CERKL: variants seen among roughly 807,000 people sequenced by gnomAD.
The protein encoded by CERKL is CERK like autophagy regulator, also known as ceramide kinase-like protein.
In CERKL, 61 loss-of-function variants were observed where a neutral mutation model predicts 63.4. The ratio of observed to expected loss-of-function variants is 0.96; its 90% CI spans 0.78 to 1.19. The LOEUF is 1.19. Among genes scored for constraint, CERKL ranks in the 50% most tolerant of loss-of-function variants. CERKL has a pLI of 0.00. For synonymous variants in CERKL, 250 were observed against 230.5 expected (o/e 1.08, Z -0.77); for missense variants, 675 against 655.5 (o/e 1.03, Z -0.33).
At chr2:181,607,353 T>C (rs1377088357) in intron 1 of CERKL, among the ~76,000 whole-genome samples, 1 of 152,156 alleles carries the variant, frequency 6.6e-6, no homozygotes, top group Non-Finnish European at 1.5e-5. Flanking sequence ...ACATTACAAT[T>C]AACTAAAATT....
Position 181,548,799 on chromosome 2 carries a change from A to G in CERKL, c.954T>C (p.Phe318=). ...CAAAGCCAAACATGGCTGAGAACCC[A>G]AAGCGAAGAAGCTTGCCAGCGGTGC... The part of the protein sequence containing the change: ...TFSTAGKLLR[F]GFSAMFGFGG... Residue 318 remains phenylalanine (F), a synonymous_variant, in exon 7 of 13, where the codon TTT becomes TTC. Coordinates refer to ENST00000410087, the MANE Select transcript of CERKL (RefSeq NM_201548.5). 1.9e-6 allele frequency: 3 copies of G among 1,614,090 alleles called. No individual in the cohort carries two copies. In the South Asian group the frequency reaches 3.3e-5, roughly 18 times the overall value.
At chr2:181,640,441 T>C (rs1302839843) in intron 1 of CERKL, among the ~76,000 whole-genome samples, 1 of 152,172 alleles carries the variant, frequency 6.6e-6, no homozygotes. Flanking sequence ...AGTCTGTGTT[T>C]AGGATTTTAA....
intron 2 of CERKL, among the ~76,000 whole-genome samples, chr2:181,596,479 G>C (rs1357597336): frequency 1.7e-4 from 26 of 152,166 alleles, no homozygotes; most frequent in Admixed American, 1.7e-3. Context: ...TTATGAGCTA[G>C]GGCTGTTGAT....
intron 1 of CERKL, among the ~76,000 whole-genome samples, chr2:181,614,888 CA>C (rs1414492561): frequency 2.5e-4 from 38 of 152,044 alleles, no homozygotes; most frequent in African/African-American, 8.5e-4. Flanking sequence ...TATTTGATAT[CA>C]GTAGATAAAA....
At chr2:181,615,424 T>C (rs1157251661) in intron 1 of CERKL, among the ~76,000 whole-genome samples, 1 of 152,244 alleles carries the variant, frequency 6.6e-6, no homozygotes, top group Non-Finnish European at 1.5e-5. Context: ...TCTTGGCACA[T>C]CTGTCTGATG....
chr2:181,619,200 A>G (rs1686342448), intron 1 of CERKL, among the ~76,000 whole-genome samples: 2 of 151,986 alleles, frequency 1.3e-5, no homozygotes, highest in Non-Finnish European at 2.9e-5. Context: ...TTCCTTTTAT[A>G]TGTCCACTTC....
chr2:181,619,716 C>A (rs1686366305), intron 1 of CERKL, among the ~76,000 whole-genome samples: 1 of 152,110 alleles, frequency 6.6e-6, no homozygotes, highest in South Asian at 2.1e-4. Context: ...ACTGTCGAAG[C>A]ACATTGAGCC....
At position 181,550,916 on chromosome 2, in the gene CERKL, C is replaced by T. The variant is rs1687955808; in HGVS notation, c.821-1208G>A. ...TGGCAAACTGGTTCCAACTGATTCA[C>T]CAAAAGGCAAGTTATGCTGTGACCC... is the stretch of plus-strand genomic sequence containing the variant. On this transcript the variant is annotated intron_variant, in intron 5 of 12. Transcript: ENST00000410087. This position sits in a 1 kb window ranked among gnomAD's most constrained non-coding sequence, Gnocchi z 4.5. Among the ~76,000 whole-genome samples, 2 of 152,070 alleles carry T rather than the reference C, an allele frequency of 1.3e-5. No individual in the cohort carries two copies. Among genetic ancestry groups the T allele is most frequent in the Admixed American group, 6.6e-5 (1 of 15,258 alleles).
At chr2:181,632,557 C>T (rs1203591440) in intron 1 of CERKL, among the ~76,000 whole-genome samples, 1 of 152,144 alleles carries the variant, frequency 6.6e-6, no homozygotes, top group Non-Finnish European at 1.5e-5. Context: ...ATACCAAGCA[C>T]CATACAAAGT....
chr2:181,559,760 G>C (rs1688359785), intron 4 of CERKL, among the ~76,000 whole-genome samples: 1 of 152,136 alleles, frequency 6.6e-6, no homozygotes, highest in Non-Finnish European at 1.5e-5. Context: ...CTAAGTTTAG[G>C]AAGCTCTGGA....
At chr2:181,566,822 A>C (rs1688688054) in intron 3 of CERKL, among the ~76,000 whole-genome samples, 1 of 152,178 alleles carries the variant, frequency 6.6e-6, no homozygotes. Flanking sequence ...GATGGCACCA[A>C]GCATCACAAC....
In CERKL at chr2:181,603,853, G is replaced by C. The variant is rs549225035; in HGVS notation, c.465C>G (p.Phe155Leu). ...AGTACTTACCTGCCAATATTTTCTTGAACTGTCTAAACCATATGTCACAGT... is the reference window on the plus strand; with the variant it reads ...AGTACTTACCTGCCAATATTTTCTTCAACTGTCTAAACCATATGTCACAGT... Reference protein sequence around the residue: ...EDHCDIWFRQFKKILAGFPNR... With the variant: ...EDHCDIWFRQLKKILAGFPNR... The change falls in exon 2 of 13, where the codon TTC (phenylalanine) becomes TTG (leucine). Residue 155 changes from phenylalanine (F) to leucine (L), a missense_variant. By Grantham distance (22) the Phe-to-Leu change is conservative. Transcript: ENST00000410087. 6.8e-6 allele frequency: 11 copies of C among 1,613,044 alleles called. No homozygotes were observed. Among genetic ancestry groups the C allele is most frequent in the Non-Finnish European group, 9.3e-6 (11 of 1,179,468 alleles).
intron 2 of CERKL, among the ~76,000 whole-genome samples, chr2:181,595,164 A>G (rs755154149): frequency 1.3e-5 from 2 of 152,180 alleles, no homozygotes; most frequent in Non-Finnish European, 2.9e-5. Context: ...ACCCTGCTAA[A>G]CATAAAGCCT....
At chr2:181,545,640 G>C (rs1687693414) in intron 10 of CERKL, among the ~76,000 whole-genome samples, 1 of 152,138 alleles carries the variant, frequency 6.6e-6, no homozygotes, top group South Asian at 2.1e-4. Context: ...ACAACTCCAA[G>C]TTTAAGTGAT....
chr2:181,608,339 G>A (rs917197449), intron 1 of CERKL, among the ~76,000 whole-genome samples: 7 of 149,788 alleles, frequency 4.7e-5, no homozygotes, highest in African/African-American at 1.5e-4. Flanking sequence ...TATTAGTTAT[G>A]GTCTTGTATC....
Position 181,544,763 on chromosome 2 carries a change from G to T in CERKL, c.1302C>A (p.Ala434=), listed in dbSNP as rs765484312. ...LNNGSMALII[A]RNTSRPEFIK... is the part of the protein sequence containing the mutation. ...TAAATTCTGGCCGAGAAGTGTTTCG[G>T]GCAATTATAAGAGCCATACTTCCAT... is the stretch of plus-strand genomic sequence containing the variant. The change falls in exon 11 of 13, where the codon GCC becomes GCA. Residue 434 remains alanine, a synonymous_variant. Transcript: ENST00000410087. 1.2e-6 allele frequency: 2 copies of T among 1,607,678 alleles called. No individual in the cohort carries two copies. The highest frequency in any genetic ancestry group is 1.7e-6 in the Non-Finnish European group (2 of 1,175,932).
intron 3 of CERKL, among the ~76,000 whole-genome samples, chr2:181,566,922 TG>T (rs568706842): frequency 2.0e-5 from 3 of 152,132 alleles, no homozygotes; most frequent in Non-Finnish European, 4.4e-5. Flanking sequence ...GACATGACAT[TG>T]CAGATGGATT....
At chr2:181,628,156 A>G (rs1686793965) in intron 1 of CERKL, among the ~76,000 whole-genome samples, 2 of 152,190 alleles carry the variant, frequency 1.3e-5, no homozygotes, top group African/African-American at 4.8e-5. Context: ...GACCACTGAC[A>G]AACTCTTATT....
chr2:181,601,901 CCT>C (rs1373098208), intron 2 of CERKL, among the ~76,000 whole-genome samples: 1 of 152,146 alleles, frequency 6.6e-6, no homozygotes, highest in Non-Finnish European at 1.5e-5. Context: ...AGAATGACTC[CCT>C]GAGTGCCTCC....
Sources: gnomAD v4.1 joint callset for allele counts (sites outside exome capture counted in the v4.1 genomes callset) on GRCh38, gnomAD v4.1.1 for gene constraint, Gnocchi (gnomAD v3.1) non-coding constraint, MANE v1.5 for transcripts, NCBI Gene and HGNC (gene_info 2026-07-23, HGNC 2026-07-21) for gene names.